Variants in MORF4L1 observed in about 807,000 individuals in gnomAD.
MORF4L1 encodes mortality factor 4 like 1, also known as mortality factor 4-like protein 1.
In MORF4L1, 4 loss-of-function variants were observed where a neutral mutation model predicts 52.9. The ratio of observed to expected loss-of-function variants is 0.08; its 90% confidence interval spans 0.04 to 0.17. The LOEUF is 0.17. MORF4L1 is among the 10% of genes least tolerant of loss of function. MORF4L1 has a pLI of 1.00. For missense variants in MORF4L1, 214 were observed against 390.4 expected, an observed-to-expected ratio of 0.55 and a Z score of 3.81; for synonymous variants, 123 against 134.8, an observed-to-expected ratio of 0.91 and a Z score of 0.61.
At chr15:78,889,929 A>G (rs1465384807) in intron 5 of MORF4L1, among the ~76,000 whole-genome samples, 1 of 151,396 alleles carries the variant, frequency 6.6e-6, no homozygotes, top group African/African-American at 2.4e-5. Flanking sequence ...ATAATAATGT[A>G]AAAAAGCAAA....
intron 5 of MORF4L1, among the ~76,000 whole-genome samples, chr15:78,888,328 G>T (rs868162494): frequency 3.3e-5 from 5 of 152,016 alleles, no homozygotes; most frequent in African/African-American, 1.2e-4. Flanking sequence ...TAGCTCGGGG[G>T]TGGTGGCACA....
chr15:78,882,024 G>C (rs1052223283), intron 3 of MORF4L1, among the ~76,000 whole-genome samples: 1 of 152,104 alleles, frequency 6.6e-6, no homozygotes, highest in Non-Finnish European at 1.5e-5. Context: ...TTGTTTTCAC[G>C]TATCAGATGT....
At chr15:78,890,833 C>A (rs1596249727) in intron 5 of MORF4L1, 156 bp from the exon 6 acceptor site, 1 of 627,990 alleles carries the variant, frequency 1.6e-6, no homozygotes. Flanking sequence ...AACCAACTAT[C>A]AATAAAAATC....
At chr15:78,883,715 G>A (rs1365603967) in intron 3 of MORF4L1, among the ~76,000 whole-genome samples, 1 of 152,160 alleles carries the variant, frequency 6.6e-6, no homozygotes, top group East Asian at 1.9e-4. Flanking sequence ...GTCTTTGGTT[G>A]ACTTGGCATG....
At chr15:78,873,416 CG>C (rs1157615624) in intron 1 of MORF4L1, among the ~76,000 whole-genome samples, 10 of 79,096 alleles carry the variant, frequency 1.3e-4, no homozygotes, top group Non-Finnish European at 1.7e-4. Context: ...GATGTGGCGG[CG>C]GGGGGGGAGG....
intron 1 of MORF4L1, 104 bp downstream of exon 1, chr15:78,873,161 T>C: frequency 6.5e-7 from 1 of 1,536,482 alleles, no homozygotes; most frequent in Non-Finnish European, 8.8e-7. Context: ...GGCTGCGCCC[T>C]GAGAAGGCGG....
intron 2 of MORF4L1, among the ~76,000 whole-genome samples, chr15:78,879,719 C>G (rs1177079087): frequency 6.6e-6 from 1 of 150,464 alleles, no homozygotes; most frequent in Non-Finnish European, 1.5e-5. Context: ...AGGAGGATCA[C>G]TTGAGGTCAG....
intron 1 of MORF4L1, among the ~76,000 whole-genome samples, chr15:78,877,119 T>G (rs1251821463): frequency 9.7e-6 from 1 of 103,546 alleles, no homozygotes; most frequent in African/African-American, 3.6e-5. Context: ...GCTGATTTTT[T>G]TTTTTTTTTT....
intron 1 of MORF4L1, among the ~76,000 whole-genome samples, chr15:78,875,208 C>T (rs996790749): frequency 6.6e-6 from 1 of 152,122 alleles, no homozygotes; most frequent in African/African-American, 2.4e-5. Context: ...TGTCAAGGCA[C>T]AAAAAGTTAA....
chr15:78,891,455 A>G, intron 6 of MORF4L1, 29 bp from the exon 7 acceptor site: 1 of 1,569,972 alleles, frequency 6.4e-7, no homozygotes. Flanking sequence ...AATTAGCTAA[A>G]TGAGACCCCT....
In MORF4L1 at chr15:78,877,568, T is replaced by TG. The variant is rs1229492709; in HGVS notation, c.41-644dup. 4.6e-5 allele frequency among the ~76,000 whole-genome samples: 7 copies of TG among 152,356 alleles called. No individual in the cohort carries two copies. In the East Asian group the frequency reaches 1.3e-3, roughly 29 times the overall value. On this transcript the variant is annotated intron_variant, in intron 1 of 11. Coordinates refer to ENST00000426013, the MANE Select transcript of MORF4L1 (RefSeq NM_006791.4). ...TGTAATCTGAGGTACTGCCTAGAAT[T>TG]GCTTCCAAGACTTCCAGGTCCTGAC...
chr15:78,893,397 T>C (rs2056833309), intron 8 of MORF4L1, 142 bp from the exon 9 acceptor site: 1 of 590,022 alleles, frequency 1.7e-6, no homozygotes, highest in East Asian at 3.0e-5. Flanking sequence ...AGCCACATTA[T>C]CCATGTTTTA....
intron 4 of MORF4L1, among the ~76,000 whole-genome samples, chr15:78,886,688 G>T (rs1006314845): frequency 3.9e-5 from 6 of 152,182 alleles, no homozygotes; most frequent in Non-Finnish European, 5.9e-5. Flanking sequence ...GGGCGCAGTG[G>T]CTCACGCCTG....
At chr15:78,886,451 A>T in intron 4 of MORF4L1, 2 of 529,956 alleles carry the variant, frequency 3.8e-6, no homozygotes, top group East Asian at 6.1e-5. Context: ...CTAGGTAGAA[A>T]ACAGCAGAAT....
At chr15:78,873,958 G>A (rs1441675881) in intron 1 of MORF4L1, 1 of 152,248 alleles carries the variant, frequency 6.6e-6, no homozygotes, top group Admixed American at 6.5e-5. Flanking sequence ...TTTAAATGCA[G>A]TAATTGTTTG....
chr15:78,877,865 G>A (rs913122263), intron 1 of MORF4L1: 7 of 182,778 alleles, frequency 3.8e-5, no homozygotes, highest in African/African-American at 1.6e-4. Flanking sequence ...GATGAGGAAA[G>A]CATTTAAAAA....
intron 11 of MORF4L1, among the ~76,000 whole-genome samples, chr15:78,896,229 G>GC (rs780122422): frequency 3.3e-5 from 5 of 151,720 alleles, no homozygotes; most frequent in African/African-American, 1.2e-4. Context: ...TTGTGCCTCG[G>GC]CCCCCCAAAG....
At chr15:78,879,312 C>T (rs988621350) in intron 2 of MORF4L1, among the ~76,000 whole-genome samples, 2 of 151,990 alleles carry the variant, frequency 1.3e-5, no homozygotes, top group African/African-American at 2.4e-5. Context: ...ACGTCCCCCT[C>T]CCGGGTTGAA....
chr15:78,890,977 C>A lies in MORF4L1; in HGVS notation c.324-12C>A. The A allele has an allele frequency of 6.9e-7, 1 of 1,439,146 alleles. No homozygotes were observed. 89.1% of individuals were successfully genotyped at this position (1,439,146 alleles called of 1,614,324 possible). ...GGAAATAATTATTTTTCTTTTTTTTCTCTCCTTTTAGGAAAACGAAAAAGA... is the reference window on the plus strand; with the variant it reads ...GGAAATAATTATTTTTCTTTTTTTTATCTCCTTTTAGGAAAACGAAAAAGA... On this transcript the variant is annotated splice_polypyrimidine_tract_variant and intron_variant, in intron 5 of 11. Transcript: ENST00000426013.
Sources: allele counts gnomAD v4.1 joint callset (sites outside exome capture counted in the v4.1 genomes callset), GRCh38; gene constraint gnomAD v4.1.1; transcripts MANE v1.5; gene names NCBI Gene and HGNC (gene_info 2026-07-23, HGNC 2026-07-21).